Variants in OSBPL8 observed in about 807,000 individuals in gnomAD.
The protein encoded by OSBPL8 is oxysterol-binding protein-related protein 8.
A neutral mutation model predicts 125.5 loss-of-function variants in OSBPL8; 59 were observed. The ratio of observed to expected loss-of-function variants is 0.47; its 90% CI spans 0.38 to 0.58. OSBPL8 has a LOEUF of 0.58. Among genes scored for constraint, OSBPL8 ranks in the 20% least tolerant of loss-of-function variants. OSBPL8 has a pLI of 0.00. For missense variants in OSBPL8, 758 were observed against 1,047.8 expected, an observed-to-expected ratio of 0.72 and a Z score of 3.82; for synonymous variants, 330 against 338.9, an observed-to-expected ratio of 0.97 and a Z score of 0.29.
In OSBPL8 at chr12:76,389,645, T is replaced by G; in HGVS notation, c.1352A>C (p.Glu451Ala). 1 of 1,547,672 alleles carries G rather than the reference T, an allele frequency of 6.5e-7. No homozygotes were observed. Among genetic ancestry groups the G allele is most frequent in the African/African-American group, 1.4e-5 (1 of 72,302 alleles). Residue 451 changes from glutamate (E) to alanine (A), a missense_variant and splice_region_variant, in exon 12 of 24, where the codon GAG (glutamate) becomes GCG (alanine). Around this residue, in one of 3 missense-constraint regions of OSBPL8, gnomAD observed 572 missense variants for 762.0 expected, o/e 0.75. Transcript: ENST00000261183. ...DYYYHADFLS[E>A]AALEENPYFR... is the part of the protein sequence containing the mutation. ...TTTTAAGAAATAAGAATCTACTTACTCAGATAGGAAATCTGCATGATAGTA... is the reference window on the plus strand; with the variant it reads ...TTTTAAGAAATAAGAATCTACTTACGCAGATAGGAAATCTGCATGATAGTA...
At chr12:76,488,592 G>C (rs1004388206) in intron 1 of OSBPL8, among the ~76,000 whole-genome samples, 4 of 152,148 alleles carry the variant, frequency 2.6e-5, no homozygotes, top group African/African-American at 9.7e-5. Context: ...TCAGCAATCT[G>C]TGATCAATAA....
intron 14 of OSBPL8, 45 bp downstream of exon 14, chr12:76,386,123 A>G (rs11111242): frequency 1.6e-5 from 25 of 1,573,232 alleles, no homozygotes; most frequent in South Asian, 1.2e-4. Context: ...AAATATTCCA[A>G]TAACTTCCAG....
At chr12:76,408,637 A>G (rs1165168255) in intron 5 of OSBPL8, among the ~76,000 whole-genome samples, 5 of 152,144 alleles carry the variant, frequency 3.3e-5, no homozygotes, top group African/African-American at 1.2e-4. Context: ...TGTGGCAGCC[A>G]CTAGCCATAT....
At chr12:76,486,134 T>TA in intron 2 of OSBPL8, 1 of 367,596 alleles carries the variant, frequency 2.7e-6, no homozygotes, top group South Asian at 2.1e-5. Context: ...TTTTAAAGTT[T>TA]AACTTTTTTT....
intron 4 of OSBPL8, among the ~76,000 whole-genome samples, chr12:76,419,814 T>G (rs1402997577): frequency 6.6e-6 from 1 of 152,214 alleles, no homozygotes; most frequent in Non-Finnish European, 1.5e-5. Context: ...AGTCACAGAC[T>G]CATAATAATT....
intron 10 of OSBPL8, among the ~76,000 whole-genome samples, chr12:76,391,439 C>T (rs943485690): frequency 1.3e-5 from 2 of 152,004 alleles, no homozygotes; most frequent in African/African-American, 2.4e-5. Context: ...CTCATTCGGG[C>T]ACCAGGTACT....
chr12:76,377,030 G>A (rs1341900504), intron 16 of OSBPL8, among the ~76,000 whole-genome samples: 1 of 152,068 alleles, frequency 6.6e-6, no homozygotes, highest in African/African-American at 2.4e-5. Flanking sequence ...GTGGTGTTTG[G>A]TTTTCTGTTT....
chr12:76,405,852 C>T (rs1256001650), intron 5 of OSBPL8, among the ~76,000 whole-genome samples: 2 of 152,140 alleles, frequency 1.3e-5, no homozygotes, highest in Non-Finnish European at 2.9e-5. Flanking sequence ...TTAATGTATA[C>T]TACTGCTTCC....
intron 21 of OSBPL8, among the ~76,000 whole-genome samples, chr12:76,360,902 G>C (rs1247732270): frequency 6.6e-6 from 1 of 152,198 alleles, no homozygotes; most frequent in Admixed American, 6.5e-5. Flanking sequence ...CCCAGCCCAT[G>C]AAACCATTTT....
chr12:76,497,193 ATTTT>A (rs60754492), intron 1 of OSBPL8, among the ~76,000 whole-genome samples: 5 of 144,760 alleles, frequency 3.5e-5, no homozygotes, highest in Non-Finnish European at 3.0e-5. Context: ...GAATCAGCAA[ATTTT>A]TTTTTTTTTT....
At chr12:76,356,057 T>C in intron 23 of OSBPL8, 36 bp from the exon 24 acceptor site, 2 of 1,584,202 alleles carry the variant, frequency 1.3e-6, no homozygotes, top group Non-Finnish European at 1.7e-6. Context: ...TTGTAATGAT[T>C]TGCCAGAAAT....
At chr12:76,526,861 G>A (rs996283216) in intron 1 of OSBPL8, among the ~76,000 whole-genome samples, 12 of 151,576 alleles carry the variant, frequency 7.9e-5, no homozygotes, top group African/African-American at 9.7e-5. Flanking sequence ...ATGTTGGCCA[G>A]GCTGGTCTCG....
At chr12:76,379,525 C>T (rs956091224) in intron 15 of OSBPL8, among the ~76,000 whole-genome samples, 1 of 152,192 alleles carries the variant, frequency 6.6e-6, no homozygotes, top group Non-Finnish European at 1.5e-5. Context: ...TGCCCCTGAG[C>T]AGTCAATCCT....
At chr12:76,470,553 G>A (rs1489088259) in intron 2 of OSBPL8, among the ~76,000 whole-genome samples, 1 of 152,132 alleles carries the variant, frequency 6.6e-6, no homozygotes, top group Admixed American at 6.5e-5. Flanking sequence ...TTCTTTGCAT[G>A]CTTATATAGA....
At chr12:76,467,456 G>A (rs1376649125) in intron 2 of OSBPL8, among the ~76,000 whole-genome samples, 1 of 152,148 alleles carries the variant, frequency 6.6e-6, no homozygotes, top group Non-Finnish European at 1.5e-5. Context: ...CTAAAATTAT[G>A]TTAACAAAGG....
At chr12:76,550,556 A>C (rs2137497475) in intron 1 of OSBPL8, among the ~76,000 whole-genome samples, 1 of 152,304 alleles carries the variant, frequency 6.6e-6, no homozygotes, top group South Asian at 2.1e-4. Context: ...GGCCACCCAT[A>C]AAATACACTA....
At chr12:76,393,459 C>T (rs535341970) in intron 9 of OSBPL8, among the ~76,000 whole-genome samples, 6 of 152,114 alleles carry the variant, frequency 3.9e-5, no homozygotes, top group African/African-American at 1.4e-4. Flanking sequence ...GCCCGTAATC[C>T]CAGCACTTTG....
chr12:76,439,294 G>A (rs180927156), intron 4 of OSBPL8, among the ~76,000 whole-genome samples: 70 of 152,100 alleles, frequency 4.6e-4, no homozygotes, highest in Admixed American at 1.4e-3. Context: ...CTGGAGAATC[G>A]CTTGAACCCA....
chr12:76,501,127 A>T (rs946853318), intron 1 of OSBPL8, among the ~76,000 whole-genome samples: 5 of 152,176 alleles, frequency 3.3e-5, no homozygotes, highest in Non-Finnish European at 5.9e-5. Context: ...ACACATATAC[A>T]TAAGTGTGTG....
Sources: gnomAD v4.1 joint callset for allele counts (sites outside exome capture counted in the v4.1 genomes callset) on GRCh38, gnomAD v4.1.1 for gene constraint, gnomAD v4.1.1 regional missense constraint, MANE v1.5 for transcripts, NCBI Gene and HGNC (gene_info 2026-07-23, HGNC 2026-07-21) for gene names.